BAIAP2: variants seen among roughly 807,000 people sequenced by gnomAD.
The protein encoded by BAIAP2 is BAR/IMD domain containing adaptor protein 2.
Under a neutral mutation model 63.0 loss-of-function variants are expected in BAIAP2, and 18 were observed. The ratio of observed to expected loss-of-function variants is 0.29; its 90% CI spans 0.20 to 0.42. BAIAP2 has a LOEUF of 0.42. Ranked by LOEUF, BAIAP2 falls within the 10% of genes least tolerant of loss-of-function variation. The pLI is 1.00. For synonymous variants in BAIAP2, 386 were observed against 307.6 expected (o/e 1.25, Z -2.67); for missense variants, 610 against 734.3 (o/e 0.83, Z 1.96).
intron 1 of BAIAP2, among the ~76,000 whole-genome samples, chr17:81,044,232 G>C (rs544074815): frequency 6.6e-6 from 1 of 152,228 alleles, no homozygotes; most frequent in Non-Finnish European, 1.5e-5. Flanking sequence ...CCGAAAGACC[G>C]GCCAGTGCCT....
In BAIAP2 at chr17:81,045,997, G is replaced by A. The variant is rs915527431; in HGVS notation, c.55-7671G>A. ...CTGCGGGGTCTCATGGCCTGGGGGG[G>A]CTCATGGTGGGGGCCCCTGGCACGG... On this transcript the variant is annotated intron_variant, in intron 1 of 13. Transcript: ENST00000428708. Among the ~76,000 whole-genome samples the A allele has an allele frequency of 2.6e-5, 4 of 152,168 alleles. No individual in the cohort carries two copies. In the South Asian group the frequency reaches 6.2e-4, roughly 24 times the overall value.
intron 3 of BAIAP2, among the ~76,000 whole-genome samples, chr17:81,059,697 C>T (rs1206252425): frequency 3.9e-5 from 6 of 152,094 alleles, no homozygotes; most frequent in African/African-American, 1.4e-4. Flanking sequence ...GTGATCTTCC[C>T]ACCTTAGCCT....
chr17:81,048,175 G>A (rs558357927), intron 1 of BAIAP2, among the ~76,000 whole-genome samples: 11 of 152,066 alleles, frequency 7.2e-5, no homozygotes, highest in African/African-American at 2.4e-4. Flanking sequence ...GCTTGAGGTC[G>A]GGAGTTCGAG....
At chr17:81,105,105 CCCCCAGTGGCAGGGGTCTG>C (rs1234306113) in intron 10 of BAIAP2, 2 of 119,754 alleles carry the variant, frequency 1.7e-5, no homozygotes, top group African/African-American at 6.5e-5. Context: ...CAGGGGTCTC[CCCCCAGTGGCAGGGGTCTG>C]CCCCATGGCA....
intron 6 of BAIAP2, among the ~76,000 whole-genome samples, chr17:81,090,704 G>A (rs1468043982): frequency 6.6e-6 from 1 of 152,194 alleles, no homozygotes; most frequent in Non-Finnish European, 1.5e-5. Context: ...TTGAGGGGGT[G>A]GGGCACTTGG....
At chr17:81,106,722 C>T in intron 11 of BAIAP2, 23 bp from the exon 12 acceptor site, 2 of 1,612,236 alleles carry the variant, frequency 1.2e-6, no homozygotes, top group East Asian at 2.2e-5. Flanking sequence ...TGCTGGGCCG[C>T]CTCTGAGTCC....
chr17:81,099,924 A>G lies in BAIAP2; in HGVS notation c.490-4A>G, dbSNP rs772801751. The G allele has an allele frequency of 1.2e-6, 2 of 1,612,328 alleles. No homozygotes were observed. Among genetic ancestry groups the G allele is most frequent in the South Asian group, 2.2e-5 (2 of 90,992 alleles). On this transcript the variant is annotated splice_polypyrimidine_tract_variant and splice_region_variant and intron_variant, in intron 6 of 13. Transcript: ENST00000428708. ...GCTGAGCCTTTCTCCCTTTCCCTCC[A>G]CAGTACATCGACGCCATCAGCAACA...
At chr17:81,110,735 C>T (rs541136420) in intron 13 of BAIAP2, among the ~76,000 whole-genome samples, 3 of 152,348 alleles carry the variant, frequency 2.0e-5, no homozygotes, top group Non-Finnish European at 4.4e-5. Context: ...TCCAGGCCCG[C>T]AAGTGAGGCA....
At chr17:81,076,740 T>C (rs1204247763) in intron 3 of BAIAP2, among the ~76,000 whole-genome samples, 2 of 152,170 alleles carry the variant, frequency 1.3e-5, no homozygotes, top group Non-Finnish European at 1.5e-5. Context: ...CCCAGCACTT[T>C]GGGAGTCCAC....
chr17:81,090,946 C>T (rs930962550), intron 6 of BAIAP2, among the ~76,000 whole-genome samples: 1 of 152,190 alleles, frequency 6.6e-6, no homozygotes, highest in Non-Finnish European at 1.5e-5. Context: ...TGTTGCATGT[C>T]CTCTCCACTT....
chr17:81,087,841 A>C (rs1214869518), intron 6 of BAIAP2: 1 of 150,472 alleles, frequency 6.6e-6, no homozygotes, highest in Non-Finnish European at 1.5e-5. Flanking sequence ...CCTGTTTTTC[A>C]CTCCAGGTAA....
chr17:81,067,254 G>A (rs967510892), intron 3 of BAIAP2, among the ~76,000 whole-genome samples: 1 of 152,252 alleles, frequency 6.6e-6, no homozygotes, highest in Admixed American at 6.5e-5. Context: ...CAGGATGCTT[G>A]GGAAGGACGC....
intron 13 of BAIAP2, chr17:81,109,389 A>T: frequency 6.1e-6 from 6 of 986,360 alleles, no homozygotes; most frequent in Non-Finnish European, 7.3e-6. Context: ...AAAAAAAAAA[A>T]AAAAAAGAAA....
At chr17:81,102,986 C>T (rs918510066) in intron 7 of BAIAP2, among the ~76,000 whole-genome samples, 1 of 152,238 alleles carries the variant, frequency 6.6e-6, no homozygotes, top group African/African-American at 2.4e-5. Flanking sequence ...GGTCTGTGTC[C>T]AGCAGGCCGC....
rs190174967 is a variant in BAIAP2, at chr17:81,105,916, C to T, written c.1269-162C>T. ...CTTGAGGCTGAGCACACAGTGGGAG[C>T]GGGCTGCGGTCTTTGTCTCCCTGGA... On this transcript the variant is annotated intron_variant, in intron 10 of 13. Coordinates refer to ENST00000428708, the MANE Select transcript of BAIAP2 (RefSeq NM_001144888.2). 9.2e-4 allele frequency: 561 copies of T among 611,484 alleles called. 2 individuals are homozygous for T. Among genetic ancestry groups the T allele is most frequent in the Non-Finnish European group, 1.4e-3 (472 of 349,630 alleles). 37.9% of individuals were successfully genotyped at this position (611,484 alleles called of 1,614,324 possible). A position where few individuals can be genotyped will look rare whatever the true frequency, so the allele number is the denominator to read the frequency against.
At chr17:81,066,050 T>G (rs879387364) in intron 3 of BAIAP2, among the ~76,000 whole-genome samples, 1 of 152,240 alleles carries the variant, frequency 6.6e-6, no homozygotes, top group Non-Finnish European at 1.5e-5. Flanking sequence ...CTGAGCCTGT[T>G]GTGTTTCTTG....
intron 3 of BAIAP2, chr17:81,083,214 G>A (rs1026923079): frequency 6.6e-6 from 1 of 152,382 alleles, no homozygotes; most frequent in African/African-American, 2.4e-5. Context: ...TTGGGCACTG[G>A]GCGATCCTAG....
intron 1 of BAIAP2, among the ~76,000 whole-genome samples, chr17:81,042,497 C>T (rs1470615355): frequency 6.6e-6 from 1 of 152,066 alleles, no homozygotes; most frequent in Admixed American, 6.6e-5. Flanking sequence ...GCCAGGCCTC[C>T]TGTTCCTTCT....
chr17:81,106,129 T>C lies in BAIAP2; in HGVS notation c.1320T>C (p.Ser440=). The change falls in exon 11 of 14, where the codon AGT becomes AGC. Residue 440 remains serine (S), a synonymous_variant. Coordinates refer to ENST00000428708, the MANE Select transcript of BAIAP2 (RefSeq NM_001144888.2). ...SYTRVLDSDG[S]DRLHMSLQQG... ...CCCGGGTCTTGGACAGCGATGGCAG[T>C]GACAGGCTGCACATGAGGTGAGCTC... The C allele has an allele frequency of 1.3e-6, 2 of 1,583,542 alleles. No homozygotes were observed. The highest frequency in any genetic ancestry group is 1.7e-6 in the Non-Finnish European group (2 of 1,164,610).
Sources: allele counts gnomAD v4.1 joint callset (sites outside exome capture counted in the v4.1 genomes callset), GRCh38; gene constraint gnomAD v4.1.1; transcripts MANE v1.5; gene names NCBI Gene and HGNC (gene_info 2026-07-23, HGNC 2026-07-21).